Variants in PLCH1 observed in about 807,000 individuals in gnomAD.
The protein encoded by PLCH1 is phospholipase C eta 1, also known as 1-phosphatidylinositol 4,5-bisphosphate phosphodiesterase eta-1.
In PLCH1, 60 loss-of-function variants were observed where a neutral mutation model predicts 126.7. The ratio of observed to expected loss-of-function variants is 0.47; its 90% CI spans 0.38 to 0.59. The LOEUF (loss-of-function observed/expected upper bound fraction) is 0.59. Among genes scored for constraint, PLCH1 ranks in the 20% least tolerant of loss-of-function variants. The pLI is 0.00. For missense variants in PLCH1, 1,723 were observed against 2,040.0 expected (o/e 0.84, Z 2.99); for synonymous variants, 719 against 734.9 (o/e 0.98, Z 0.35).
intron 21 of PLCH1, among the ~76,000 whole-genome samples, chr3:155,460,897 G>T (rs562417190): frequency 6.6e-6 from 1 of 152,238 alleles, no homozygotes; most frequent in African/African-American, 2.4e-5. Context: ...ATCCACAATT[G>T]CAGCTTCTGT....
At chr3:155,494,650 A>C (rs1398691979) in intron 15 of PLCH1, 133 bp from the exon 16 acceptor site, 1 of 684,558 alleles carries the variant, frequency 1.5e-6, no homozygotes, top group Non-Finnish European at 2.4e-6. Flanking sequence ...ATTCAACCAG[A>C]GTAGAGGCAG....
At chr3:155,709,128 C>G (rs543803721) in intron 1 of PLCH1, among the ~76,000 whole-genome samples, 4 of 152,306 alleles carry the variant, frequency 2.6e-5, no homozygotes, top group Non-Finnish European at 5.9e-5. Flanking sequence ...CATCCTAGCA[C>G]TAAATAATAT....
Position 155,485,996 on chromosome 3 carries a change from T to G in PLCH1, c.2620-286A>C, listed in dbSNP as rs1560052868. 4 of 624,750 alleles carry G rather than the reference T, an allele frequency of 6.4e-6. No homozygotes were observed. In the South Asian group the frequency reaches 8.1e-5, roughly 13 times the overall value. 38.7% of individuals were successfully genotyped at this position (624,750 alleles called of 1,614,324 possible). A position where few individuals can be genotyped will look rare whatever the true frequency, so the allele number is the denominator to read the frequency against. ...TGGTAGGAAAAGTCTCCACAGCTCA[T>G]AGACTGCTATGAACTTCAGGCGCCT... On this transcript the variant is annotated intron_variant, in intron 21 of 22. Coordinates refer to ENST00000460012, the MANE Select transcript of PLCH1 (RefSeq NM_014996.4).
At chr3:155,625,173 G>A (rs1436488061) in intron 2 of PLCH1, among the ~76,000 whole-genome samples, 6 of 152,144 alleles carry the variant, frequency 3.9e-5, no homozygotes, top group Non-Finnish European at 7.3e-5. Flanking sequence ...GTGGTGTTGG[G>A]AAAATTGGCT....
At chr3:155,579,223 C>T (rs959862855) in intron 6 of PLCH1, among the ~76,000 whole-genome samples, 2 of 152,138 alleles carry the variant, frequency 1.3e-5, no homozygotes, top group South Asian at 4.1e-4. Context: ...CATGCCCTAG[C>T]GATGGGTGTG....
rs114218066 is a variant in PLCH1, at chr3:155,715,367, T to A, written c.-40-11103A>T. 7.1e-3 allele frequency among the ~76,000 whole-genome samples: 1,085 copies of A among 152,216 alleles called. 15 individuals are homozygous for A. The highest frequency in any genetic ancestry group is 0.025 in the African/African-American group (1,043 of 41,518). ...TCCAAGCTGGTGGGCAGTGTCACAA[T>A]CACAGCTCACGGCAACCTCTGCCTC... is the stretch of plus-strand genomic sequence containing the variant. On this transcript the variant is annotated intron_variant, in intron 1 of 22. Transcript: ENST00000460012.
downstream of PLCH1, among the ~76,000 whole-genome samples, chr3:155,475,804 G>A (rs766029021): frequency 5.9e-5 from 9 of 151,968 alleles, no homozygotes; most frequent in Non-Finnish European, 1.3e-4. Flanking sequence ...CAAGTAATGA[G>A]ATCAAAGCTG....
chr3:155,491,596 G>T (rs1416801683), intron 18 of PLCH1, among the ~76,000 whole-genome samples: 1 of 152,126 alleles, frequency 6.6e-6, no homozygotes, highest in Non-Finnish European at 1.5e-5. Flanking sequence ...TCTCAACAAT[G>T]AGAAAAGAAT....
chr3:155,565,698 ATTTAT>A (rs776005126), intron 7 of PLCH1, among the ~76,000 whole-genome samples: 2 of 98,570 alleles, frequency 2.0e-5, no homozygotes, highest in Admixed American at 1.0e-4. Context: ...TATTTTATTT[ATTTAT>A]TTTTTTTTTT....
intron 21 of PLCH1, among the ~76,000 whole-genome samples, chr3:155,451,872 T>G (rs979095101): frequency 6.6e-6 from 1 of 152,152 alleles, no homozygotes; most frequent in African/African-American, 2.4e-5. Flanking sequence ...ACCAACACTA[T>G]CAGCTCACTT....
chr3:155,692,105 T>C (rs552110218), intron 2 of PLCH1, among the ~76,000 whole-genome samples: 4 of 152,178 alleles, frequency 2.6e-5, no homozygotes, highest in African/African-American at 9.6e-5. Context: ...TGTTGATATA[T>C]TGGTAGTAAA....
chr3:155,547,135 A>T (rs62286061), intron 10 of PLCH1, among the ~76,000 whole-genome samples: 25,020 of 144,842 alleles, frequency 0.17, 2,372 homozygotes, highest in African/African-American at 0.3. Flanking sequence ...TTTGCAACCT[A>T]CTCATCTGAC....
At chr3:155,667,504 G>C (rs1420064754) in intron 2 of PLCH1, among the ~76,000 whole-genome samples, 1 of 151,794 alleles carries the variant, frequency 6.6e-6, no homozygotes, top group East Asian at 1.9e-4. Flanking sequence ...AATAAGTTCA[G>C]GATAAAGAAG....
intron 10 of PLCH1, among the ~76,000 whole-genome samples, chr3:155,526,384 TCTCTCTTCTTTCTCTCTCTC>T (rs1457724651): frequency 1.0e-4 from 15 of 147,610 alleles, no homozygotes; most frequent in Admixed American, 9.3e-4. Flanking sequence ...TCTCTCTCTC[TCTCTCTTCTTTCTCTCTCTC>T]TCTTTCTCTC....
intron 1 of PLCH1, among the ~76,000 whole-genome samples, chr3:155,704,707 C>T (rs891875501): frequency 1.3e-5 from 2 of 152,176 alleles, no homozygotes; most frequent in African/African-American, 4.8e-5. Context: ...TGTGTCAGTA[C>T]AGCATCCATG....
intron 2 of PLCH1, among the ~76,000 whole-genome samples, chr3:155,653,063 G>A (rs1740888987): frequency 6.6e-6 from 1 of 152,014 alleles, no homozygotes; most frequent in East Asian, 1.9e-4. Context: ...GGGTGGGTGG[G>A]TAATTTACAT....
intron 1 of PLCH1, among the ~76,000 whole-genome samples, chr3:155,717,023 G>A (rs1747570343): frequency 6.6e-6 from 1 of 152,218 alleles, no homozygotes; most frequent in East Asian, 1.9e-4. Flanking sequence ...GTTCCAAAAG[G>A]CAGAAATTGA....
chr3:155,726,158 C>T (rs564898808), intron 1 of PLCH1, among the ~76,000 whole-genome samples: 2 of 152,254 alleles, frequency 1.3e-5, no homozygotes, highest in African/African-American at 4.8e-5. Flanking sequence ...ATAGTCAATA[C>T]GTGTTTTAAC....
At chr3:155,702,230 A>G (rs1001434901) in intron 2 of PLCH1, among the ~76,000 whole-genome samples, 7 of 152,226 alleles carry the variant, frequency 4.6e-5, no homozygotes, top group Non-Finnish European at 8.8e-5. Context: ...TTTCACAGAA[A>G]AGAGAACTGA....
Sources: allele counts gnomAD v4.1 joint callset (sites outside exome capture counted in the v4.1 genomes callset), GRCh38; gene constraint gnomAD v4.1.1; transcripts MANE v1.5; gene names NCBI Gene and HGNC (gene_info 2026-07-23, HGNC 2026-07-21).